Variants in GALNT14 observed in about 807,000 individuals in gnomAD.
GALNT14 encodes polypeptide N-acetylgalactosaminyltransferase 14.
GALNT14 carries 60 observed loss-of-function variants against 77.5 expected under a neutral mutation model. The ratio of observed to expected loss-of-function variants is 0.77; its 90% CI spans 0.63 to 0.96. The LOEUF is 0.96. Among genes scored for constraint, GALNT14 ranks in the 40% least tolerant of loss-of-function variants. The pLI is 0.00. For missense variants in GALNT14, 710 were observed against 731.0 expected (o/e 0.97, Z 0.33); for synonymous variants, 280 against 281.7 (o/e 0.99, Z 0.06).
At chr2:31,048,242 A>G (rs1673604385) in intron 1 of GALNT14, among the ~76,000 whole-genome samples, 2 of 152,248 alleles carry the variant, frequency 1.3e-5, no homozygotes. Flanking sequence ...GATTGGTGGT[A>G]TAGGGGTAGG....
chr2:31,028,969 C>T (rs936480812), intron 1 of GALNT14, among the ~76,000 whole-genome samples: 5 of 152,112 alleles, frequency 3.3e-5, no homozygotes, highest in African/African-American at 1.2e-4. Flanking sequence ...AGAATGAGGG[C>T]TAGGGATGAG....
intron 1 of GALNT14, among the ~76,000 whole-genome samples, chr2:31,093,363 T>C (rs915685677): frequency 6.6e-6 from 1 of 152,244 alleles, no homozygotes; most frequent in Non-Finnish European, 1.5e-5. Context: ...AGAAGCTAGC[T>C]TGAGATGGAT....
At chr2:30,960,097 G>C (rs1667593759) in intron 3 of GALNT14, among the ~76,000 whole-genome samples, 1 of 152,174 alleles carries the variant, frequency 6.6e-6, no homozygotes, top group South Asian at 2.1e-4. Context: ...CAGATGGAGA[G>C]AGGAACCCCA....
At chr2:31,081,546 A>C (rs1300150475) in intron 1 of GALNT14, among the ~76,000 whole-genome samples, 3 of 152,222 alleles carry the variant, frequency 2.0e-5, no homozygotes, top group African/African-American at 7.2e-5. Context: ...ACATTTTTAC[A>C]CTTACAGCAA....
intron 8 of GALNT14, 113 bp downstream of exon 8, chr2:30,944,745 G>C (rs551260992): frequency 4.9e-6 from 4 of 819,206 alleles, no homozygotes; most frequent in East Asian, 5.2e-5. Context: ...GCCTGGCAAA[G>C]GGCTCCCTTT....
At chr2:31,076,612 C>CATATATATATATAT (rs59824499) in intron 1 of GALNT14, among the ~76,000 whole-genome samples, 3 of 143,334 alleles carry the variant, frequency 2.1e-5, no homozygotes, top group African/African-American at 7.7e-5. Context: ...GGTGTGTATA[C>CATATATATATATAT]ATATATATAT....
chr2:30,945,565 G>A (rs73923305), intron 7 of GALNT14, among the ~76,000 whole-genome samples: 1,611 of 152,294 alleles, frequency 0.011, 30 homozygotes, highest in African/African-American at 0.035. Flanking sequence ...CTATCTTAGA[G>A]CTGGAGCTCT....
intron 1 of GALNT14, among the ~76,000 whole-genome samples, chr2:31,122,834 C>G (rs1678479645): frequency 6.6e-6 from 1 of 152,104 alleles, no homozygotes; most frequent in Admixed American, 6.5e-5. Context: ...TTCAACTTGG[C>G]CATTGTAGCC....
At chr2:30,940,228 C>A (rs539094598) in intron 9 of GALNT14, among the ~76,000 whole-genome samples, 1 of 152,172 alleles carries the variant, frequency 6.6e-6, no homozygotes, top group East Asian at 1.9e-4. Flanking sequence ...CCAAAAGAGT[C>A]GGAAGCCAGC....
chr2:30,936,296 C>T (rs1323295623), intron 9 of GALNT14, among the ~76,000 whole-genome samples: 2 of 151,968 alleles, frequency 1.3e-5, no homozygotes, highest in Non-Finnish European at 2.9e-5. Flanking sequence ...GGATGGTGGG[C>T]AGGAATTCAG....
rs766054328 is a variant in GALNT14, at chr2:30,992,808, G to C, written c.299+30C>G. On this transcript the variant is annotated intron_variant, in intron 2 of 14. Transcript: ENST00000349752. ...TGCTGTTGATCTCTTTTGACTGCGGGGGTAACAGAGTGGGAGAAGGAGGAA... is the reference window on the plus strand; with the variant it reads ...TGCTGTTGATCTCTTTTGACTGCGGCGGTAACAGAGTGGGAGAAGGAGGAA... 3 of 1,607,726 alleles carry C rather than the reference G, an allele frequency of 1.9e-6. No individual in the cohort carries two copies. In the East Asian group the frequency reaches 6.7e-5, roughly 36 times the overall value.
At chr2:31,030,113 G>A (rs1276420978) in intron 1 of GALNT14, among the ~76,000 whole-genome samples, 2 of 152,130 alleles carry the variant, frequency 1.3e-5, no homozygotes, top group Non-Finnish European at 2.9e-5. Context: ...TTCTTCATTT[G>A]GATAAAGCTC....
chr2:31,129,652 T>C (rs1678881012), intron 1 of GALNT14: 1 of 985,250 alleles, frequency 1.0e-6, no homozygotes, highest in African/African-American at 1.7e-5. Flanking sequence ...GCATCTATTA[T>C]GCCTGCATGT....
At chr2:31,036,208 C>G (rs781207200) in intron 1 of GALNT14, among the ~76,000 whole-genome samples, 25 of 152,132 alleles carry the variant, frequency 1.6e-4, no homozygotes, top group Non-Finnish European at 2.9e-4. Context: ...CTTTGTTCCT[C>G]TATTTCTCCA....
chr2:30,925,796 G>C (rs574500695), intron 11 of GALNT14, among the ~76,000 whole-genome samples: 1 of 152,324 alleles, frequency 6.6e-6, no homozygotes, highest in Admixed American at 6.5e-5. Flanking sequence ...AGCAGGGCAA[G>C]AGGTGGTTTG....
At chr2:30,971,251 A>T (rs879676045) in intron 2 of GALNT14, among the ~76,000 whole-genome samples, 3 of 152,146 alleles carry the variant, frequency 2.0e-5, no homozygotes, top group Non-Finnish European at 4.4e-5. Context: ...GGAATGGAAA[A>T]CCCTGCCAAC....
At chr2:31,028,175 C>T (rs1038289016) in intron 1 of GALNT14, among the ~76,000 whole-genome samples, 4 of 152,182 alleles carry the variant, frequency 2.6e-5, no homozygotes, top group Non-Finnish European at 4.4e-5. Context: ...GAGGTCCTCA[C>T]CCACATAGTT....
chr2:31,013,554 C>G (rs1671169231), intron 1 of GALNT14, among the ~76,000 whole-genome samples: 1 of 152,164 alleles, frequency 6.6e-6, no homozygotes, highest in Admixed American at 6.5e-5. Context: ...TGACCAGAAG[C>G]ATTTTAACCT....
downstream of GALNT14, among the ~76,000 whole-genome samples, chr2:30,908,925 C>A (rs1664221894): frequency 6.6e-6 from 1 of 150,914 alleles, no homozygotes; most frequent in Non-Finnish European, 1.5e-5. Flanking sequence ...ACTATCTGAT[C>A]TTTGACAAAC....
Sources: allele counts gnomAD v4.1 joint callset (sites outside exome capture counted in the v4.1 genomes callset), GRCh38; gene constraint gnomAD v4.1.1; transcripts MANE v1.5; gene names NCBI Gene and HGNC (gene_info 2026-07-23, HGNC 2026-07-21).